ATP9B: variants seen among roughly 807,000 people sequenced by gnomAD.
ATP9B encodes the protein ATPase phospholipid transporting 9B.
Under a neutral mutation model 146.1 loss-of-function variants are expected in ATP9B, and 110 were observed. The observed-to-expected ratio is 0.75, with a 90% CI of 0.65 to 0.88. The LOEUF is 0.88. Among genes scored for constraint, ATP9B ranks in the 40% least tolerant of loss-of-function variants. ATP9B has a pLI of 0.00. For missense variants in ATP9B, 1,499 were observed against 1,496.4 expected, an observed-to-expected ratio of 1.00 and a Z score of -0.03; for synonymous variants, 604 against 569.7, an observed-to-expected ratio of 1.06 and a Z score of -0.86.
intron 17 of ATP9B, among the ~76,000 whole-genome samples, chr18:79,334,180 A>T (rs918406901): frequency 6.6e-6 from 1 of 151,828 alleles, no homozygotes; most frequent in Non-Finnish European, 1.5e-5. Flanking sequence ...ACATGGTGAA[A>T]CCCCGTCTCT....
At chr18:79,183,433 T>G (rs1406108031) in intron 8 of ATP9B, among the ~76,000 whole-genome samples, 1 of 148,088 alleles carries the variant, frequency 6.8e-6, no homozygotes, top group African/African-American at 2.6e-5. Context: ...TTTACATTTG[T>G]TTAGTTTTTT....
chr18:79,091,137 C>G (rs959616893), intron 1 of ATP9B, among the ~76,000 whole-genome samples: 2 of 152,134 alleles, frequency 1.3e-5, no homozygotes, highest in Non-Finnish European at 2.9e-5. Context: ...GTCCATTGGT[C>G]TATGTGTCTG....
At chr18:79,365,080 C>G (rs57585496) in intron 26 of ATP9B, among the ~76,000 whole-genome samples, 34,729 of 151,900 alleles carry the variant, frequency 0.23, 4,592 homozygotes, top group East Asian at 0.45. Context: ...AAAAAACAAG[C>G]CACAGCCTAG....
chr18:79,329,017 G>T, intron 15 of ATP9B, 124 bp from the exon 16 acceptor site: 2 of 1,048,554 alleles, frequency 1.9e-6, no homozygotes, highest in South Asian at 2.5e-5. Flanking sequence ...AAAAAGTTCT[G>T]AACACCTAAG....
chr18:79,228,572 A>G (rs1308834611), intron 11 of ATP9B, among the ~76,000 whole-genome samples: 1 of 152,242 alleles, frequency 6.6e-6, no homozygotes, highest in Non-Finnish European at 1.5e-5. Flanking sequence ...AGAAGTGGGA[A>G]GTCATAGATA....
At chr18:79,227,743 G>C (rs2095751078) in intron 11 of ATP9B, among the ~76,000 whole-genome samples, 1 of 152,134 alleles carries the variant, frequency 6.6e-6, no homozygotes, top group Non-Finnish European at 1.5e-5. Flanking sequence ...CTCCAGCCCA[G>C]CACTTGTTTC....
chr18:79,089,217 T>C (rs929673494), intron 1 of ATP9B, among the ~76,000 whole-genome samples: 4 of 152,136 alleles, frequency 2.6e-5, no homozygotes, highest in East Asian at 1.9e-4. Flanking sequence ...AAAGAACTTA[T>C]GTAACTAAAT....
At chr18:79,191,162 G>A (rs1015920613) in intron 8 of ATP9B, among the ~76,000 whole-genome samples, 21 of 152,112 alleles carry the variant, frequency 1.4e-4, no homozygotes, top group Non-Finnish European at 2.6e-4. Flanking sequence ...TTGTTCCATT[G>A]TCTTCTGACT....
At chr18:79,099,338 C>G (rs559812846) in intron 2 of ATP9B, among the ~76,000 whole-genome samples, 10 of 152,144 alleles carry the variant, frequency 6.6e-5, no homozygotes, top group Non-Finnish European at 1.3e-4. Flanking sequence ...TCTCCTTCCT[C>G]AGCCTCCTGA....
At chr18:79,168,241 C>T (rs1427058056) in intron 7 of ATP9B, among the ~76,000 whole-genome samples, 2 of 152,188 alleles carry the variant, frequency 1.3e-5, no homozygotes, top group Non-Finnish European at 2.9e-5. Flanking sequence ...TTCAGCCTGG[C>T]GACTGCAGAG....
intron 26 of ATP9B, chr18:79,361,519 A>AT (rs10718621): frequency 0.018 from 2,606 of 143,386 alleles, 60 homozygotes; most frequent in African/African-American, 0.056. Context: ...CCATCCCTAC[A>AT]TTTTTTTTTT....
At chr18:79,085,792 G>A (rs1373970360) in intron 1 of ATP9B, 3 of 152,184 alleles carry the variant, frequency 2.0e-5, no homozygotes, top group African/African-American at 7.2e-5. Context: ...CAATAGTTAA[G>A]TGTTAGCACT....
intron 5 of ATP9B, among the ~76,000 whole-genome samples, chr18:79,127,629 G>T (rs1207957150): frequency 6.6e-6 from 1 of 152,172 alleles, no homozygotes. Context: ...ATTTGGGGTT[G>T]TTTCTACTTT....
intron 25 of ATP9B, 47 bp downstream of exon 25, chr18:79,348,243 A>G: frequency 2.6e-6 from 2 of 757,540 alleles, no homozygotes; most frequent in South Asian, 1.6e-5. Context: ...GAGGACTTCT[A>G]TTTTGAAAAA....
chr18:79,289,851 G>A (rs1423670626), intron 13 of ATP9B, among the ~76,000 whole-genome samples: 1 of 152,202 alleles, frequency 6.6e-6, no homozygotes, highest in Non-Finnish European at 1.5e-5. Context: ...TCAGCTGCAG[G>A]TCTGTTGGAG....
At chr18:79,090,180 A>G (rs923122697) in intron 1 of ATP9B, among the ~76,000 whole-genome samples, 4 of 152,160 alleles carry the variant, frequency 2.6e-5, no homozygotes, top group South Asian at 4.1e-4. Flanking sequence ...CTGTTGATGG[A>G]CACTTAGATT....
rs145506707 is a variant in ATP9B, at chr18:79,302,516, G to A, written c.1412-1088G>A. Among the ~76,000 whole-genome samples the A allele has an allele frequency of 2.4e-3, 364 of 152,308 alleles. 1 individual carries two copies. The highest frequency in any genetic ancestry group is 6.2e-3 in the South Asian group (30 of 4,822). On this transcript the variant is annotated intron_variant, in intron 13 of 29. Coordinates refer to ENST00000426216, the MANE Select transcript of ATP9B (RefSeq NM_198531.5). The stretch of plus-strand genomic sequence containing the variant: ...AGCACGCTACATACATATCCAGAGG[G>A]TATTTGAGCTTCCCTGTGCTACTTT...
At chr18:79,299,627 G>A (rs541481372) in intron 13 of ATP9B, among the ~76,000 whole-genome samples, 32 of 152,288 alleles carry the variant, frequency 2.1e-4, no homozygotes, top group African/African-American at 6.5e-4. Context: ...CCTTGTGTTT[G>A]GGGCACTTTG....
In ATP9B at chr18:79,126,347, A is replaced by C; in HGVS notation, c.639A>C (p.Ser213=). The C allele has an allele frequency of 6.2e-7, 1 of 1,611,934 alleles. No homozygotes were observed. Among genetic ancestry groups the C allele is most frequent in the Non-Finnish European group, 8.5e-7 (1 of 1,178,496 alleles). The part of the protein sequence containing the change: ...RRFQRDKEVN[S]QLYSKLTVRG... ...TTCAGCGTGACAAGGAAGTGAATTC[A>C]CAACTATATAGCAAGCTTACAGTAA... The change falls in exon 5 of 30, where the codon TCA becomes TCC. Residue 213 remains serine (S), a synonymous_variant. Coordinates refer to ENST00000426216, the MANE Select transcript of ATP9B (RefSeq NM_198531.5).
Sources: allele counts gnomAD v4.1 joint callset (sites outside exome capture counted in the v4.1 genomes callset), GRCh38; gene constraint gnomAD v4.1.1; transcripts MANE v1.5; gene names NCBI Gene and HGNC (gene_info 2026-07-23, HGNC 2026-07-21).